Variants in CLPB observed in about 807,000 individuals in gnomAD.
CLPB encodes mitochondrial disaggregase.
A neutral mutation model predicts 78.4 loss-of-function variants in CLPB; 40 were observed. The ratio of observed to expected loss-of-function variants is 0.51; its 90% CI spans 0.40 to 0.66. The LOEUF (loss-of-function observed/expected upper bound fraction) is 0.66, where lower values mean the gene tolerates loss of function less well. Among genes scored for constraint, CLPB ranks in the 30% least tolerant of loss-of-function variants. CLPB has a pLI of 0.00. For synonymous variants in CLPB, 333 were observed against 348.0 expected, an observed-to-expected ratio of 0.96 and a Z score of 0.48; for missense variants, 780 against 886.9, an observed-to-expected ratio of 0.88 and a Z score of 1.53.
At chr11:72,308,662 C>T (rs1949788882) in intron 7 of CLPB, 58 bp from the exon 8 acceptor site, 4 of 1,438,910 alleles carry the variant, frequency 2.8e-6, no homozygotes, top group Non-Finnish European at 3.9e-6. Flanking sequence ...ATCAATGACA[C>T]AAAAGGCAGG....
chr11:72,371,009 C>A (rs1368083742), intron 4 of CLPB, among the ~76,000 whole-genome samples: 1 of 152,122 alleles, frequency 6.6e-6, no homozygotes, highest in Non-Finnish European at 1.5e-5. Flanking sequence ...CCTGCTTCAC[C>A]CTAACATGTT....
rs115886271 is a variant in CLPB at position 72,420,872 on chromosome 11, C to T, written c.455+9440G>A. Among the ~76,000 whole-genome samples the T allele has an allele frequency of 6.6e-3, 1,011 of 152,264 alleles. 11 individuals carry two copies. Among genetic ancestry groups the T allele is most frequent in the African/African-American group, 0.023 (969 of 41,550 alleles). On this transcript the variant is annotated intron_variant, in intron 2 of 15. Transcript: ENST00000538039. ...ATGAAGGCCATTAAAAAAACTGGGT[C>T]TACCCAGCAGAACGCAGTGGCTCAC...
intron 2 of CLPB, among the ~76,000 whole-genome samples, chr11:72,406,083 TA>T (rs1395373516): frequency 6.6e-6 from 1 of 152,154 alleles, no homozygotes. Context: ...AAAGAAATTA[TA>T]AAATTAACCT....
At chr11:72,356,055 G>A in intron 5 of CLPB, among the ~76,000 whole-genome samples, 1 of 152,136 alleles carries the variant, frequency 6.6e-6, no homozygotes, top group Non-Finnish European at 1.5e-5. Flanking sequence ...GCCGAGGCGG[G>A]CGGATCACCT....
chr11:72,359,108 C>T (rs140160616), intron 4 of CLPB, 100 bp from the exon 5 acceptor site: 27 of 1,577,114 alleles, frequency 1.7e-5, no homozygotes, highest in Admixed American at 1.7e-5. Context: ...CACTCATCTA[C>T]CTACTTACTA....
intron 1 of CLPB, among the ~76,000 whole-genome samples, chr11:72,432,667 G>A (rs577782020): frequency 3.2e-4 from 49 of 152,316 alleles, no homozygotes; most frequent in African/African-American, 1.2e-3. Context: ...GCCTAAGCTC[G>A]ATGCCCTTAG....
rs750578021 is a variant in CLPB at position 72,308,616 on chromosome 11, C to T, written c.989-12G>A. 2 of 1,612,486 alleles carry T rather than the reference C, an allele frequency of 1.2e-6. No individual in the cohort carries two copies. The highest frequency in any genetic ancestry group is 1.7e-6 in the Non-Finnish European group (2 of 1,178,472). On this transcript the variant is annotated splice_polypyrimidine_tract_variant and intron_variant, in intron 7 of 15. Coordinates refer to ENST00000538039, the MANE Select transcript of CLPB (RefSeq NM_001258392.3). Reference sequence around the variant, plus strand: ...CTTCCTCCGGATCGCTACGGCCAAACACACAAGATCAGGGGACAGGGAGGG... The same window carrying T: ...CTTCCTCCGGATCGCTACGGCCAAATACACAAGATCAGGGGACAGGGAGGG...
At chr11:72,325,954 C>T (rs1950126892) in intron 6 of CLPB, among the ~76,000 whole-genome samples, 1 of 152,122 alleles carries the variant, frequency 6.6e-6, no homozygotes, top group Non-Finnish European at 1.5e-5. Flanking sequence ...AGATATGATC[C>T]AGAGAAGGCT....
rs554888865 is a variant in CLPB, at chr11:72,413,387, T to A, written c.456-10335A>T. Among the ~76,000 whole-genome samples the A allele has an allele frequency of 4.0e-5, 6 of 150,376 alleles. No homozygotes were observed. In the South Asian group the frequency reaches 1.3e-3, roughly 32 times the overall value. On this transcript the variant is annotated intron_variant, in intron 2 of 15. Coordinates refer to ENST00000538039, the MANE Select transcript of CLPB (RefSeq NM_001258392.3). ...CATTTGCTTTTCTATTCCTTTTCTA[T>A]TTTTTTTTGCTGGACCATGTGAGAA...
intron 12 of CLPB, 47 bp downstream of exon 12, chr11:72,295,445 C>T (rs1018470111): frequency 6.3e-6 from 10 of 1,595,168 alleles, no homozygotes; most frequent in Non-Finnish European, 8.6e-6. Context: ...AGGAGATAGG[C>T]TGGTGGCTTG....
intron 4 of CLPB, among the ~76,000 whole-genome samples, chr11:72,379,456 C>T (rs992921578): frequency 6.6e-6 from 1 of 152,218 alleles, no homozygotes; most frequent in South Asian, 2.1e-4. Flanking sequence ...CTGTTTTTTT[C>T]AATCCCACTT....
chr11:72,410,270 CTAAG>C (rs1396746289), intron 2 of CLPB, among the ~76,000 whole-genome samples: 5 of 152,198 alleles, frequency 3.3e-5, no homozygotes, highest in African/African-American at 1.2e-4. Context: ...CTGTTACTTA[CTAAG>C]TGAGGAGTGG....
At chr11:72,345,696 T>C (rs1230311862) in intron 5 of CLPB, among the ~76,000 whole-genome samples, 3 of 152,116 alleles carry the variant, frequency 2.0e-5, no homozygotes, top group South Asian at 2.1e-4. Flanking sequence ...TCAGGATACG[T>C]AGGGGAGAAA....
intron 7 of CLPB, among the ~76,000 whole-genome samples, chr11:72,314,105 G>A (rs1381426058): frequency 2.0e-5 from 3 of 152,202 alleles, no homozygotes; most frequent in African/African-American, 7.2e-5. Flanking sequence ...GGGAAGTGAA[G>A]CATGAGATCT....
rs565461182 is a variant in CLPB, at chr11:72,381,000, C to G, written c.543-616G>C. 4.6e-5 allele frequency among the ~76,000 whole-genome samples: 7 copies of G among 152,336 alleles called. No individual in the cohort carries two copies. In the East Asian group the frequency reaches 1.3e-3, roughly 29 times the overall value. The stretch of plus-strand genomic sequence containing the variant: ...TTACGGCATCAGCAAGATGGCAGAA[C>G]AGGACTCTCCAGCACTTGCTCCCCA... On this transcript the variant is annotated intron_variant, in intron 3 of 15. Coordinates refer to ENST00000538039, the MANE Select transcript of CLPB (RefSeq NM_001258392.3).
rs901390132 is a variant in CLPB at position 72,312,884 on chromosome 11, G to A, written c.988+4222C>T. Among the ~76,000 whole-genome samples the A allele has an allele frequency of 2.0e-5, 3 of 152,234 alleles. No homozygotes were observed. Among genetic ancestry groups the A allele is most frequent in the Non-Finnish European group, 4.4e-5 (3 of 68,044 alleles). ...GATGGGTGCACAGAGGGAAGTATGG[G>A]AAGAGCCATTTGTGCTGGCCTGACA... On this transcript the variant is annotated intron_variant, in intron 7 of 15. Transcript: ENST00000538039. The surrounding 1 kb of genome is among the most constrained non-coding windows in gnomAD (Gnocchi z 4.2).
At chr11:72,318,863 T>C (rs187708640) in intron 6 of CLPB, among the ~76,000 whole-genome samples, 1 of 152,316 alleles carries the variant, frequency 6.6e-6, no homozygotes, top group East Asian at 1.9e-4. Flanking sequence ...CACTTGGCTC[T>C]GCCGACTTCA....
intron 2 of CLPB, among the ~76,000 whole-genome samples, chr11:72,405,754 G>A (rs1048733197): frequency 3.9e-5 from 6 of 151,902 alleles, no homozygotes; most frequent in African/African-American, 1.2e-4. Flanking sequence ...CGGTGAAACC[G>A]CATCTCTACT....
intron 3 of CLPB, among the ~76,000 whole-genome samples, chr11:72,387,615 C>T (rs111786041): frequency 0.012 from 1,877 of 151,624 alleles, 40 homozygotes; most frequent in African/African-American, 0.043. Context: ...TGATGGCTGC[C>T]GTGCAGGTTA....
Sources: gnomAD v4.1 joint callset for allele counts (sites outside exome capture counted in the v4.1 genomes callset) on GRCh38, gnomAD v4.1.1 for gene constraint, Gnocchi (gnomAD v3.1) non-coding constraint, MANE v1.5 for transcripts, NCBI Gene and HGNC (gene_info 2026-07-23, HGNC 2026-07-21) for gene names.